PCP4L1: variants seen among roughly 807,000 people sequenced by gnomAD.
PCP4L1 encodes the protein Purkinje cell protein 4 like 1.
PCP4L1 carries 9 observed loss-of-function variants against 9.6 expected under a neutral mutation model. The observed-to-expected ratio is 0.94, with a 90% CI of 0.57 to 1.64. PCP4L1 has a LOEUF of 1.64. Ranked by LOEUF, PCP4L1 falls within the 40% of genes most tolerant of loss-of-function variation. The pLI, the probability that PCP4L1 is intolerant of heterozygous loss-of-function variation, is 0.00. For missense variants in PCP4L1, 81 were observed against 80.8 expected (o/e 1.00, Z -0.01); for synonymous variants, 31 against 28.2 (o/e 1.10, Z -0.31).
At chr1:161,268,237 G>T (rs1669564342) in intron 1 of PCP4L1, among the ~76,000 whole-genome samples, 1 of 151,950 alleles carries the variant, frequency 6.6e-6, no homozygotes, top group Non-Finnish European at 1.5e-5. Flanking sequence ...CAGGGAGATT[G>T]TGATTTCTAG....
intron 1 of PCP4L1, among the ~76,000 whole-genome samples, chr1:161,268,054 C>A (rs1009955301): frequency 2.0e-5 from 3 of 152,132 alleles, no homozygotes; most frequent in African/African-American, 7.2e-5. Context: ...CTTACACAAT[C>A]ATTTTCATGA....
intron 1 of PCP4L1, among the ~76,000 whole-genome samples, chr1:161,274,378 A>AG (rs1283243008): frequency 1.3e-5 from 2 of 151,954 alleles, no homozygotes; most frequent in Non-Finnish European, 2.9e-5. Flanking sequence ...AAAAAAGAAA[A>AG]GGAGTAGAAG....
chr1:161,282,809 T>C (rs1361666064), intron 1 of PCP4L1, among the ~76,000 whole-genome samples: 1 of 152,146 alleles, frequency 6.6e-6, no homozygotes, highest in Non-Finnish European at 1.5e-5. Context: ...TTTCTCACAA[T>C]GCCATCTTTC....
intron 1 of PCP4L1, among the ~76,000 whole-genome samples, chr1:161,270,926 T>C (rs1441275564): frequency 6.6e-6 from 1 of 151,374 alleles, no homozygotes; most frequent in Non-Finnish European, 1.5e-5. Context: ...CCTTCTACCA[T>C]GTGAGGATAT....
chr1:161,273,907 T>C (rs565802977), intron 1 of PCP4L1, among the ~76,000 whole-genome samples: 5 of 152,294 alleles, frequency 3.3e-5, no homozygotes, highest in Admixed American at 3.3e-4. Context: ...TACATCCCCA[T>C]ACTTTTGATT....
intron 1 of PCP4L1, among the ~76,000 whole-genome samples, chr1:161,278,408 T>TTTCC (rs922688478): frequency 3.3e-5 from 5 of 151,950 alleles, no homozygotes; most frequent in African/African-American, 1.2e-4. Flanking sequence ...TCTTTCCTTC[T>TTTCC]TTCCTTCCTT....
chr1:161,283,805 A>T, intron 2 of PCP4L1, 83 bp downstream of exon 2: 1 of 1,362,070 alleles, frequency 7.3e-7, no homozygotes, highest in African/African-American at 1.5e-5. Flanking sequence ...GGAATTTCCT[A>T]AAGTCAGACA....
At chr1:161,264,645 A>G (rs149413103) in intron 1 of PCP4L1, among the ~76,000 whole-genome samples, 52 of 152,260 alleles carry the variant, frequency 3.4e-4, no homozygotes, top group Non-Finnish European at 6.3e-4. Context: ...CCTGGGCAAC[A>G]TGACAAAACC....
chr1:161,263,899 CTTTTTTTTTTTTTTT>C (rs1160429112), intron 1 of PCP4L1, among the ~76,000 whole-genome samples: 26 of 70,794 alleles, frequency 3.7e-4, no homozygotes, highest in African/African-American at 5.5e-4. Context: ...ACTTTCTTTC[CTTTTTTTTTTTTTTT>C]TTTTTTTTTT....
At chr1:161,259,283 G>C (rs1388849995) in intron 1 of PCP4L1, among the ~76,000 whole-genome samples, 2 of 152,070 alleles carry the variant, frequency 1.3e-5, no homozygotes, top group Admixed American at 6.5e-5. Flanking sequence ...TCTGGATACT[G>C]CCCCCTGCAT....
At chr1:161,262,486 C>T (rs528155933) in intron 1 of PCP4L1, among the ~76,000 whole-genome samples, 2 of 150,004 alleles carry the variant, frequency 1.3e-5, no homozygotes, top group African/African-American at 2.4e-5. Context: ...GAAACATCTG[C>T]GTTGGAGTGA....
chr1:161,266,476 G>A (rs1669532271), intron 1 of PCP4L1, among the ~76,000 whole-genome samples: 1 of 152,206 alleles, frequency 6.6e-6, no homozygotes, highest in South Asian at 2.1e-4. Context: ...GGCAGCCCAT[G>A]CTGGGGGGAA....
intron 1 of PCP4L1, among the ~76,000 whole-genome samples, chr1:161,282,089 G>T (rs36001187): frequency 0.05 from 7,548 of 152,194 alleles, 253 homozygotes; most frequent in Non-Finnish European, 0.072. Flanking sequence ...CACTCCAGCC[G>T]GGGCACCATT....
chr1:161,275,105 G>A (rs1397541381), intron 1 of PCP4L1, among the ~76,000 whole-genome samples: 1 of 152,188 alleles, frequency 6.6e-6, no homozygotes, highest in Non-Finnish European at 1.5e-5. Flanking sequence ...TGGCAGGGCA[G>A]AGGGAAAGTG....
intron 1 of PCP4L1, among the ~76,000 whole-genome samples, chr1:161,280,517 G>C (rs1211500728): frequency 5.9e-5 from 9 of 152,010 alleles, no homozygotes; most frequent in Non-Finnish European, 1.2e-4. Context: ...CCCATTTTTG[G>C]AATTCCTTCT....
intron 1 of PCP4L1, among the ~76,000 whole-genome samples, chr1:161,273,815 G>A (rs149528634): frequency 0.011 from 1,609 of 152,290 alleles, 38 homozygotes; most frequent in African/African-American, 0.035. Flanking sequence ...GCCCCATAAT[G>A]GCAGGACTGG....
intron 1 of PCP4L1, among the ~76,000 whole-genome samples, chr1:161,280,360 C>G (rs1295506425): frequency 1.3e-5 from 2 of 152,146 alleles, no homozygotes; most frequent in African/African-American, 4.8e-5. Flanking sequence ...CCCCTCTCTC[C>G]TATTCCAGTA....
At chr1:161,279,778 G>T (rs560597799) in intron 1 of PCP4L1, among the ~76,000 whole-genome samples, 2 of 152,338 alleles carry the variant, frequency 1.3e-5, no homozygotes, top group Admixed American at 1.3e-4. Flanking sequence ...CATACCTTGA[G>T]ACTGATGAAT....
chr1:161,280,404 T>A (rs1669773878), intron 1 of PCP4L1, among the ~76,000 whole-genome samples: 1 of 152,242 alleles, frequency 6.6e-6, no homozygotes, highest in Non-Finnish European at 1.5e-5. Context: ...TTTTTCCTTG[T>A]CTACTGGATC....
Sources: allele counts gnomAD v4.1 joint callset (sites outside exome capture counted in the v4.1 genomes callset), GRCh38; gene constraint gnomAD v4.1.1; transcripts MANE v1.5; gene names NCBI Gene and HGNC (gene_info 2026-07-23, HGNC 2026-07-21).